The following ANKRD30B variants were observed in gnomAD, a reference collection of about 807,000 sequenced individuals.
ANKRD30B encodes ankyrin repeat domain 30B, also known as ankyrin repeat domain-containing protein 30B.
In ANKRD30B, 144 loss-of-function variants were observed where a neutral mutation model predicts 202.2. That is an observed-to-expected ratio of 0.71 (90% confidence interval 0.62 to 0.82). ANKRD30B has a LOEUF of 0.82. Among genes scored for constraint, ANKRD30B ranks in the 40% least tolerant of loss-of-function variants. The pLI is 0.00. For synonymous variants in ANKRD30B, 508 were observed against 561.3 expected, an observed-to-expected ratio of 0.91 and a Z score of 1.34; for missense variants, 1,487 against 1,669.1, an observed-to-expected ratio of 0.89 and a Z score of 1.90.
chr18:14,855,359 CTCTTT>C (rs1278235914), downstream of ANKRD30B, among the ~76,000 whole-genome samples: 1 of 152,228 alleles, frequency 6.6e-6, no homozygotes, highest in Non-Finnish European at 1.5e-5. Flanking sequence ...CCACATTTCC[CTCTTT>C]TCTTTTTGAC....
the ANKRD30B span, among the ~76,000 whole-genome samples, chr18:14,919,916 C>T: frequency 6.6e-6 from 1 of 152,210 alleles, no homozygotes; most frequent in Non-Finnish European, 1.5e-5. Flanking sequence ...GGTCAAAGTC[C>T]AGGCTTCTGT....
chr18:14,817,232 A>G (rs1411750709), intron 30 of ANKRD30B: 2 of 152,242 alleles, frequency 1.3e-5, no homozygotes, highest in African/African-American at 4.8e-5. Flanking sequence ...ATTAGAAATT[A>G]AAAGTGAAGT....
intron 6 of ANKRD30B, among the ~76,000 whole-genome samples, chr18:14,761,985 A>G (rs1915332363): frequency 6.6e-6 from 1 of 152,228 alleles, no homozygotes; most frequent in African/African-American, 2.4e-5. Flanking sequence ...AAGCATAAAC[A>G]GTCAATTAAA....
the ANKRD30B span, among the ~76,000 whole-genome samples, chr18:14,903,995 G>A: frequency 1.3e-5 from 2 of 152,070 alleles, no homozygotes; most frequent in Non-Finnish European, 2.9e-5. Flanking sequence ...TATAAAGAAG[G>A]GCTGTCCAAT....
At chr18:14,752,218 A>T (rs367578078) in intron 1 of ANKRD30B, among the ~76,000 whole-genome samples, 1 of 152,202 alleles carries the variant, frequency 6.6e-6, no homozygotes, top group Non-Finnish European at 1.5e-5. Context: ...GAGGCATCAC[A>T]GTGATGTCCT....
the ANKRD30B span, chr18:14,915,754 T>C: frequency 5.3e-5 from 8 of 152,198 alleles, no homozygotes; most frequent in African/African-American, 1.9e-4. Flanking sequence ...TTGTGTTAGA[T>C]TTCAAGCACA....
chr18:14,827,472 A>C (rs1970714898), intron 32 of ANKRD30B, among the ~76,000 whole-genome samples: 1 of 152,162 alleles, frequency 6.6e-6, no homozygotes, highest in African/African-American at 2.4e-5. Flanking sequence ...ATCTGAGACT[A>C]TTTCTAGATA....
At chr18:14,880,647 C>T in the ANKRD30B span, among the ~76,000 whole-genome samples, 1 of 145,142 alleles carries the variant, frequency 6.9e-6, no homozygotes, top group African/African-American at 2.5e-5. Context: ...CTCACTACAA[C>T]TTCTGCCTAC....
intron 16 of ANKRD30B, among the ~76,000 whole-genome samples, chr18:14,794,549 T>A (rs1968743556): frequency 6.6e-6 from 1 of 152,200 alleles, no homozygotes. Flanking sequence ...TGGTATCATT[T>A]CCTATATATG....
At chr18:14,835,133 C>T (rs1426237789) in intron 34 of ANKRD30B, among the ~76,000 whole-genome samples, 1 of 151,668 alleles carries the variant, frequency 6.6e-6, no homozygotes, top group Non-Finnish European at 1.5e-5. Flanking sequence ...ATTAAAGTTT[C>T]TGATCATATG....
At chr18:14,756,479 C>T (rs1028359912) in intron 4 of ANKRD30B, among the ~76,000 whole-genome samples, 1 of 152,172 alleles carries the variant, frequency 6.6e-6, no homozygotes, top group South Asian at 2.1e-4. Context: ...AGTCCTTGCC[C>T]ATGCCTATGT....
the ANKRD30B span, among the ~76,000 whole-genome samples, chr18:14,903,038 A>C: frequency 6.6e-6 from 1 of 152,274 alleles, no homozygotes; most frequent in African/African-American, 2.4e-5. Flanking sequence ...CGGGGCTAAA[A>C]TCGAGGTATT....
chr18:14,936,003 G>A, the ANKRD30B span, among the ~76,000 whole-genome samples: 38 of 152,358 alleles, frequency 2.5e-4, 1 homozygote, highest in African/African-American at 8.9e-4. Context: ...CAGAAAGAAA[G>A]GCAGTCAATT....
intron 15 of ANKRD30B, among the ~76,000 whole-genome samples, chr18:14,788,858 T>A (rs1968269922): frequency 6.6e-6 from 1 of 152,158 alleles, no homozygotes; most frequent in Non-Finnish European, 1.5e-5. Context: ...TAAACATATG[T>A]GTGCATGTGT....
chr18:14,775,556 A>C (rs192043764), intron 9 of ANKRD30B, among the ~76,000 whole-genome samples: 1 of 152,254 alleles, frequency 6.6e-6, no homozygotes. Flanking sequence ...GGAGTTGGAT[A>C]AACATGAGAA....
At chr18:14,866,161 A>G in the ANKRD30B span, among the ~76,000 whole-genome samples, 2 of 152,264 alleles carry the variant, frequency 1.3e-5, no homozygotes, top group Admixed American at 1.3e-4. Context: ...GTGCATGCTG[A>G]GGAGGCCTCA....
At chr18:14,859,040 G>A (rs1194032490), downstream of ANKRD30B, among the ~76,000 whole-genome samples, 2 of 116,450 alleles carry the variant, frequency 1.7e-5, no homozygotes, top group African/African-American at 3.6e-5. Context: ...GCCAGGCAGA[G>A]GTGCTCCTCG....
At chr18:14,766,493 A>AAAAAAAAGAAAAGAAAAGAAAAGAAAAG (rs1567989711) in intron 7 of ANKRD30B, among the ~76,000 whole-genome samples, 4 of 84,994 alleles carry the variant, frequency 4.7e-5, no homozygotes, top group Admixed American at 1.4e-4. Flanking sequence ...AAAAAAAAAA[A>AAAAAAAAGAAAAGAAAAGAAAAGAAAAG]AAAAGAAAAG....
At chr18:14,830,312 G>A (rs1277891918) in intron 33 of ANKRD30B, 1 of 152,428 alleles carries the variant, frequency 6.6e-6, no homozygotes, top group Non-Finnish European at 1.5e-5. Flanking sequence ...TTGGGTATAA[G>A]TACCTACGAA....
Sources: gnomAD v4.1 joint callset for allele counts (sites outside exome capture counted in the v4.1 genomes callset) on GRCh38, gnomAD v4.1.1 for gene constraint, MANE v1.5 for transcripts, NCBI Gene and HGNC (gene_info 2026-07-23, HGNC 2026-07-21) for gene names.